Variants in RASGRF2 observed in about 807,000 individuals in gnomAD.
RASGRF2 encodes ras-specific guanine nucleotide-releasing factor 2.
Under a neutral mutation model 151.0 loss-of-function variants are expected in RASGRF2, and 76 were observed. The observed-to-expected ratio is 0.50, with a 90% CI of 0.42 to 0.61. RASGRF2 has a LOEUF of 0.61. RASGRF2 is among the 20% of genes least tolerant of loss of function. The probability of loss-of-function intolerance (pLI) is 0.00; values close to 1 mark genes in which losing one functional copy is unlikely to be tolerated. For missense variants in RASGRF2, 1,148 were observed against 1,564.6 expected (o/e 0.73, Z 4.49); for synonymous variants, 504 against 566.5 (o/e 0.89, Z 1.57).
intron 1 of RASGRF2, among the ~76,000 whole-genome samples, chr5:80,978,963 A>G (rs896703472): frequency 6.6e-6 from 1 of 152,202 alleles, no homozygotes; most frequent in Non-Finnish European, 1.5e-5. Flanking sequence ...TGTACAATAA[A>G]CATTCCCCTA....
intron 12 of RASGRF2, among the ~76,000 whole-genome samples, chr5:81,105,065 C>T (rs1258029066): frequency 6.6e-6 from 1 of 152,158 alleles, no homozygotes; most frequent in Non-Finnish European, 1.5e-5. Flanking sequence ...AAAACTGCTT[C>T]CCTTCTTGTC....
chr5:81,111,106 A>G (rs1752980631), intron 13 of RASGRF2, among the ~76,000 whole-genome samples: 1 of 152,250 alleles, frequency 6.6e-6, no homozygotes, highest in South Asian at 2.1e-4. Flanking sequence ...ATAATTTCAA[A>G]TCCCTCAAAG....
At chr5:80,990,420 C>T (rs1056424745) in intron 1 of RASGRF2, among the ~76,000 whole-genome samples, 3 of 152,132 alleles carry the variant, frequency 2.0e-5, no homozygotes, top group African/African-American at 7.2e-5. Context: ...TTGTCATCCT[C>T]TTGCCAGTGA....
intron 9 of RASGRF2, among the ~76,000 whole-genome samples, chr5:81,089,932 A>G (rs541021160): frequency 4.1e-4 from 63 of 152,362 alleles, no homozygotes; most frequent in African/African-American, 1.5e-3. Flanking sequence ...TGAAATATGT[A>G]TGAATATTTA....
intron 17 of RASGRF2, among the ~76,000 whole-genome samples, chr5:81,142,764 G>A (rs1168486111): frequency 2.0e-5 from 3 of 152,116 alleles, no homozygotes; most frequent in Non-Finnish European, 4.4e-5. Context: ...AGAATTTCAA[G>A]AATTCTTATT....
chr5:81,120,045 C>G (rs1292012223), intron 15 of RASGRF2, among the ~76,000 whole-genome samples: 2 of 152,132 alleles, frequency 1.3e-5, no homozygotes, highest in East Asian at 1.9e-4. Context: ...CCAGAGCTGT[C>G]AGCTCCTCTG....
intron 15 of RASGRF2, among the ~76,000 whole-genome samples, chr5:81,116,646 G>A (rs112387849): frequency 0.012 from 1,761 of 152,076 alleles, 44 homozygotes; most frequent in African/African-American, 0.038. Context: ...CTTTTTCATC[G>A]TGCAAAACCG....
chr5:81,192,540 C>A (rs943333670), intron 18 of RASGRF2, among the ~76,000 whole-genome samples: 5 of 152,192 alleles, frequency 3.3e-5, no homozygotes, highest in Admixed American at 6.5e-5. Flanking sequence ...AAGGTGGCGC[C>A]GACGCAGGCA....
chr5:81,219,809 A>G, intron 26 of RASGRF2, 31 bp downstream of exon 26: 3 of 1,510,286 alleles, frequency 2.0e-6, no homozygotes, highest in South Asian at 1.2e-5. Flanking sequence ...AGAAATTAAT[A>G]AAGAAAAAAG....
chr5:80,982,580 CTATTATTATTAT>C (rs10634471), intron 1 of RASGRF2, among the ~76,000 whole-genome samples: 9 of 135,170 alleles, frequency 6.7e-5, no homozygotes, highest in Non-Finnish European at 9.4e-5. Flanking sequence ...AAATTTGGTT[CTATTATTATTAT>C]TATTATTATT....
intron 1 of RASGRF2, among the ~76,000 whole-genome samples, chr5:81,025,532 G>A (rs376827391): frequency 5.9e-5 from 9 of 152,184 alleles, no homozygotes; most frequent in African/African-American, 9.7e-5. Flanking sequence ...GAGTTTGGCC[G>A]TTTCAAATCT....
intron 1 of RASGRF2, among the ~76,000 whole-genome samples, chr5:80,990,442 A>G (rs887575224): frequency 1.3e-5 from 2 of 152,108 alleles, no homozygotes; most frequent in African/African-American, 4.8e-5. Flanking sequence ...AGGAGTCGGG[A>G]GGGGGCTCCA....
intron 1 of RASGRF2, among the ~76,000 whole-genome samples, chr5:81,040,828 G>A (rs1226256832): frequency 6.6e-6 from 1 of 152,148 alleles, no homozygotes; most frequent in Non-Finnish European, 1.5e-5. Context: ...GGTTCACAGT[G>A]GTTAGGAACT....
At chr5:81,162,885 T>C (rs1754419761) in intron 17 of RASGRF2, among the ~76,000 whole-genome samples, 1 of 152,072 alleles carries the variant, frequency 6.6e-6, no homozygotes, top group Admixed American at 6.6e-5. Flanking sequence ...AAATTGGGTA[T>C]ATAAGAAAGA....
intron 12 of RASGRF2, among the ~76,000 whole-genome samples, chr5:81,101,029 G>A (rs1589): frequency 0.21 from 31,365 of 152,010 alleles, 3,726 homozygotes; most frequent in Admixed American, 0.29. Flanking sequence ...AAAATCACTT[G>A]GGGCTTTTGT....
At chr5:81,182,206 AAAT>A (rs1172453792) in intron 18 of RASGRF2, among the ~76,000 whole-genome samples, 1 of 152,174 alleles carries the variant, frequency 6.6e-6, no homozygotes, top group African/African-American at 2.4e-5. Flanking sequence ...TGAGTGATGT[AAAT>A]AGCTCAGGGA....
chr5:81,147,771 T>C (rs987745330), intron 17 of RASGRF2, among the ~76,000 whole-genome samples: 4 of 152,244 alleles, frequency 2.6e-5, no homozygotes, highest in African/African-American at 9.6e-5. Context: ...TTTTGCTTTG[T>C]TCTTGCTTCT....
intron 2 of RASGRF2, among the ~76,000 whole-genome samples, chr5:81,045,542 GT>G (rs1309996264): frequency 7.9e-5 from 12 of 152,160 alleles, no homozygotes; most frequent in Non-Finnish European, 1.5e-4. Flanking sequence ...CACTTAAGTG[GT>G]TTAGATGATA....
chr5:80,961,133 A>G (rs1391560992), intron 1 of RASGRF2, 107 bp downstream of exon 1: 1 of 1,230,978 alleles, frequency 8.1e-7, no homozygotes, highest in Admixed American at 3.1e-5. Flanking sequence ...TGCGGGGACT[A>G]TGCTCCGAAA....
Sources: gnomAD v4.1 joint callset for allele counts (sites outside exome capture counted in the v4.1 genomes callset) on GRCh38, gnomAD v4.1.1 for gene constraint, MANE v1.5 for transcripts, NCBI Gene and HGNC (gene_info 2026-07-23, HGNC 2026-07-21) for gene names.